The following HPSE2 variants were observed in gnomAD, a reference collection of about 807,000 sequenced individuals.
HPSE2 encodes inactive heparanase-2.
In HPSE2, 38 loss-of-function variants were observed where a neutral mutation model predicts 60.5. That is an observed-to-expected ratio of 0.63 (90% CI 0.48 to 0.82). The LOEUF (loss-of-function observed/expected upper bound fraction) is 0.82. HPSE2 is among the 40% of genes least tolerant of loss of function. The pLI, the probability that HPSE2 is intolerant of heterozygous loss-of-function variation, is 0.00. For missense variants in HPSE2, 713 were observed against 740.4 expected (o/e 0.96, Z 0.43); for synonymous variants, 295 against 293.2 (o/e 1.01, Z -0.06).
rs141391035 is a variant in HPSE2 at position 98,540,646 on chromosome 10, T to C, written c.1321-50450A>G. ...TCAAAGATATGAAACATAAACTCCTTCAAAAGTACATAAATAACTGAAATA... is the reference window on the plus strand; with the variant it reads ...TCAAAGATATGAAACATAAACTCCTCCAAAAGTACATAAATAACTGAAATA... On this transcript the variant is annotated intron_variant, in intron 9 of 11. Transcript: ENST00000370552. Among the ~76,000 whole-genome samples the C allele has an allele frequency of 1.7e-3, 259 of 152,286 alleles. 1 individual carries two copies. The highest frequency in any genetic ancestry group is 6.1e-3 in the African/African-American group (252 of 41,554).
intron 10 of HPSE2, among the ~76,000 whole-genome samples, chr10:98,488,901 CA>C (rs1941539056): frequency 1.3e-5 from 2 of 152,216 alleles, no homozygotes; most frequent in East Asian, 3.8e-4. Flanking sequence ...ACTGACAAGA[CA>C]ACTGGCCCCT....
chr10:98,893,754 TCTAA>T (rs1564637821), intron 3 of HPSE2, among the ~76,000 whole-genome samples: 1 of 152,066 alleles, frequency 6.6e-6, no homozygotes. Flanking sequence ...TGGGAACATC[TCTAA>T]CTGCCTGGAG....
At chr10:98,864,675 C>T (rs1952544077) in intron 3 of HPSE2, among the ~76,000 whole-genome samples, 1 of 152,224 alleles carries the variant, frequency 6.6e-6, no homozygotes, top group African/African-American at 2.4e-5. Flanking sequence ...CAAACACAAG[C>T]TGCCCTTAAA....
At chr10:98,716,956 C>T (rs551413117) in intron 5 of HPSE2, among the ~76,000 whole-genome samples, 13 of 152,050 alleles carry the variant, frequency 8.5e-5, no homozygotes, top group East Asian at 3.9e-4. Flanking sequence ...AGAGACCCTA[C>T]GATTTTCAGA....
At chr10:98,679,962 A>G (rs1947743510) in intron 6 of HPSE2, among the ~76,000 whole-genome samples, 1 of 152,170 alleles carries the variant, frequency 6.6e-6, no homozygotes, top group Non-Finnish European at 1.5e-5. Flanking sequence ...GGCATGAGCC[A>G]CTGGGCCCAG....
chr10:99,004,912 T>C (rs1956857285), intron 3 of HPSE2, among the ~76,000 whole-genome samples: 1 of 152,180 alleles, frequency 6.6e-6, no homozygotes, highest in South Asian at 2.1e-4. Flanking sequence ...CTTTGCTGAA[T>C]ACAGTACTCT....
intron 9 of HPSE2, among the ~76,000 whole-genome samples, chr10:98,521,712 T>C (rs528114424): frequency 1.3e-5 from 2 of 152,116 alleles, no homozygotes; most frequent in African/African-American, 4.8e-5. Flanking sequence ...CTCTTCACAA[T>C]AGCAAGGACT....
chr10:99,235,230 T>G (rs772209658), intron 1 of HPSE2, among the ~76,000 whole-genome samples: 2 of 152,200 alleles, frequency 1.3e-5, no homozygotes, highest in Non-Finnish European at 2.9e-5. Flanking sequence ...GGAAGGCTAA[T>G]TGTGGATATA....
At chr10:98,496,445 T>C (rs1307961100) in intron 9 of HPSE2, among the ~76,000 whole-genome samples, 2 of 151,926 alleles carry the variant, frequency 1.3e-5, no homozygotes, top group Non-Finnish European at 2.9e-5. Flanking sequence ...GAGATGAGAG[T>C]AGAGATCCTT....
chr10:98,860,579 T>C (rs570842018), intron 3 of HPSE2, among the ~76,000 whole-genome samples: 55 of 152,146 alleles, frequency 3.6e-4, no homozygotes, highest in Non-Finnish European at 6.8e-4. Context: ...CATTTACAGA[T>C]GGGGAAACTG....
At chr10:98,666,021 TG>T (rs1246246184) in intron 6 of HPSE2, among the ~76,000 whole-genome samples, 5 of 152,178 alleles carry the variant, frequency 3.3e-5, no homozygotes, top group African/African-American at 1.2e-4. Flanking sequence ...CCCAACTGTC[TG>T]CTGTCTTCAA....
the HPSE2 span, among the ~76,000 whole-genome samples, chr10:99,283,554 A>G: frequency 1.3e-5 from 2 of 152,122 alleles, no homozygotes; most frequent in South Asian, 4.1e-4. Context: ...AAAATCAACA[A>G]TATCAAAAAT....
intron 3 of HPSE2, among the ~76,000 whole-genome samples, chr10:99,085,986 T>A (rs921757171): frequency 6.6e-5 from 10 of 152,158 alleles, no homozygotes; most frequent in Non-Finnish European, 1.5e-4. Flanking sequence ...CCTGTCAAAA[T>A]CATATTCATT....
intron 9 of HPSE2, among the ~76,000 whole-genome samples, chr10:98,613,640 G>A (rs1945820637): frequency 6.6e-6 from 1 of 152,152 alleles, no homozygotes; most frequent in African/African-American, 2.4e-5. Context: ...TTCCAGTTTG[G>A]GTTTGTTTAT....
intron 6 of HPSE2, among the ~76,000 whole-genome samples, chr10:98,655,010 C>T (rs535849942): frequency 9.9e-5 from 15 of 152,158 alleles, no homozygotes; most frequent in South Asian, 2.1e-4. Flanking sequence ...TTCACTGTTA[C>T]TGTGCTGCTG....
intron 3 of HPSE2, among the ~76,000 whole-genome samples, chr10:98,889,031 A>T (rs1339015118): frequency 6.6e-6 from 1 of 152,146 alleles, no homozygotes; most frequent in Admixed American, 6.6e-5. Flanking sequence ...ATCTATTAAA[A>T]AATTAGAAGT....
chr10:98,592,384 C>T (rs630036), intron 9 of HPSE2, among the ~76,000 whole-genome samples: 17,193 of 152,086 alleles, frequency 0.11, 1,750 homozygotes, highest in African/African-American at 0.28. Context: ...TTATAGTTTA[C>T]GTAACTTTAT....
chr10:98,627,685 T>C (rs1589531670), intron 7 of HPSE2, among the ~76,000 whole-genome samples: 1 of 152,238 alleles, frequency 6.6e-6, no homozygotes, highest in South Asian at 2.1e-4. Flanking sequence ...TTATGATATT[T>C]AAATTATATA....
chr10:98,495,838 G>T (rs1365729980), intron 9 of HPSE2, among the ~76,000 whole-genome samples: 1 of 151,890 alleles, frequency 6.6e-6, no homozygotes, highest in East Asian at 1.9e-4. Context: ...TAAAGTCTTT[G>T]CTTAGTAGAT....
Sources: gnomAD v4.1 joint callset for allele counts (sites outside exome capture counted in the v4.1 genomes callset) on GRCh38, gnomAD v4.1.1 for gene constraint, MANE v1.5 for transcripts, NCBI Gene and HGNC (gene_info 2026-07-23, HGNC 2026-07-21) for gene names.